PHF20: variants seen among roughly 807,000 people sequenced by gnomAD.
The protein encoded by PHF20 is glioma-expressed antigen 2.
A neutral mutation model predicts 113.5 loss-of-function variants in PHF20; 23 were observed. That is an observed-to-expected ratio of 0.20 (90% CI 0.15 to 0.29). PHF20 has a LOEUF of 0.29. Among genes scored for constraint, PHF20 ranks in the 10% least tolerant of loss-of-function variants. The probability of loss-of-function intolerance (pLI) is 1.00; values close to 1 mark genes in which losing one functional copy is unlikely to be tolerated. For synonymous variants in PHF20, 434 were observed against 457.3 expected (o/e 0.95, Z 0.65); for missense variants, 943 against 1,219.6 (o/e 0.77, Z 3.38).
In PHF20 at chr20:35,863,117, T is replaced by C. The variant is rs555104516; in HGVS notation, c.525T>C (p.Asn175=). Residue 175 remains asparagine, a synonymous_variant, in exon 6 of 18, where the codon AAT becomes AAC. Transcript: ENST00000374012. ...AAGAACAGAGAAAAGCAACAGTGAA[T>C]GTGAAGAAAGACAAAGAAGATAAAC... ...KFKEQRKATV[N]VKKDKEDKPL... 43 of 1,613,536 alleles carry C rather than the reference T, an allele frequency of 2.7e-5. No individual in the cohort carries two copies. Among genetic ancestry groups the C allele is most frequent in the Admixed American group, 6.7e-5 (4 of 59,792 alleles).
chr20:35,946,736 A>G (rs2056092463), intron 17 of PHF20, among the ~76,000 whole-genome samples: 1 of 147,608 alleles, frequency 6.8e-6, no homozygotes, highest in African/African-American at 2.5e-5. Flanking sequence ...TTTGAGATGG[A>G]GTCTCGCTTT....
At chr20:35,820,445 C>CTTT (rs369532387) in intron 2 of PHF20, among the ~76,000 whole-genome samples, 16 of 129,644 alleles carry the variant, frequency 1.2e-4, no homozygotes, top group South Asian at 5.0e-4. Context: ...GGAATAAGTA[C>CTTT]TTTTTTTTTT....
In PHF20 at chr20:35,927,098, C is replaced by A. The variant is rs546882571; in HGVS notation, c.2005-682C>A. Among the ~76,000 whole-genome samples the A allele has an allele frequency of 5.3e-5, 8 of 152,266 alleles. No individual in the cohort carries two copies. The South Asian group carries it at 1.7e-3, about 32-fold the overall frequency. ...GCCTTCTGGCCCTCTCCCCCTGTCC[C>A]CTCAATACTCAGGGAAGGAAGTGGA... On this transcript the variant is annotated intron_variant, in intron 13 of 17. Coordinates refer to ENST00000374012, the MANE Select transcript of PHF20 (RefSeq NM_016436.5).
intron 4 of PHF20, among the ~76,000 whole-genome samples, chr20:35,852,886 C>T (rs1025727591): frequency 6.6e-5 from 10 of 151,376 alleles, no homozygotes; most frequent in South Asian, 2.1e-4. Flanking sequence ...CGTGAGCCAC[C>T]GTGCCCGACC....
At chr20:35,843,996 A>T (rs1208502551) in intron 3 of PHF20, among the ~76,000 whole-genome samples, 1 of 152,076 alleles carries the variant, frequency 6.6e-6, no homozygotes, top group African/African-American at 2.4e-5. Context: ...ATTAGTTTTA[A>T]GGTTTTTTTG....
intron 14 of PHF20, among the ~76,000 whole-genome samples, chr20:35,929,606 G>A (rs955198123): frequency 2.0e-5 from 3 of 152,250 alleles, no homozygotes; most frequent in South Asian, 2.1e-4. Flanking sequence ...ATTCCTGAAG[G>A]CTCCTTAGCA....
chr20:35,930,295 A>G (rs1332125520), intron 14 of PHF20, among the ~76,000 whole-genome samples: 2 of 152,226 alleles, frequency 1.3e-5, no homozygotes, highest in African/African-American at 4.8e-5. Context: ...CATGAACAAG[A>G]TAGTTCCTAC....
At chr20:35,872,181 T>C (rs187928628) in intron 9 of PHF20, among the ~76,000 whole-genome samples, 16 of 152,280 alleles carry the variant, frequency 1.1e-4, no homozygotes, top group Admixed American at 9.2e-4. Flanking sequence ...CCTTTTTTTT[T>C]TCATTACCTG....
chr20:35,908,641 C>T (rs1695388346), intron 10 of PHF20, among the ~76,000 whole-genome samples: 1 of 152,074 alleles, frequency 6.6e-6, no homozygotes, highest in Admixed American at 6.6e-5. Context: ...CAGATAATAT[C>T]CCTCCTTTGC....
In PHF20 at chr20:35,941,060, C is replaced by A. The variant is rs201339133; in HGVS notation, c.2896+13C>A. 51 of 1,607,796 alleles carry A rather than the reference C, an allele frequency of 3.2e-5. No individual in the cohort carries two copies. The East Asian group carries it at 1.0e-3, about 33-fold the overall frequency. On this transcript the variant is annotated intron_variant, in intron 17 of 17. Transcript: ENST00000374012. ...AAGGAGTTGGATGGTAGGGCTCCTT[C>A]ATTGGCCCCCTGTGCATTGGCATGC...
chr20:35,878,832 A>T, intron 9 of PHF20: 1 of 521,074 alleles, frequency 1.9e-6, no homozygotes, highest in Non-Finnish European at 3.4e-6. Context: ...ACTAATTTGT[A>T]TGGGTTTAGA....
At chr20:35,807,516 G>A (rs920095901) in intron 2 of PHF20, among the ~76,000 whole-genome samples, 1 of 151,914 alleles carries the variant, frequency 6.6e-6, no homozygotes, top group Non-Finnish European at 1.5e-5. Context: ...ACCATGCCTG[G>A]AATTTTTGTA....
At chr20:35,945,468 C>G (rs1016075584) in intron 17 of PHF20, among the ~76,000 whole-genome samples, 1 of 152,152 alleles carries the variant, frequency 6.6e-6, no homozygotes, top group African/African-American at 2.4e-5. Flanking sequence ...TAAAGAATAG[C>G]TCACAAGAAA....
chr20:35,859,297 A>G (rs946248023), intron 5 of PHF20, among the ~76,000 whole-genome samples: 5 of 152,272 alleles, frequency 3.3e-5, no homozygotes, highest in Admixed American at 6.5e-5. Flanking sequence ...TACTTTCTTC[A>G]TGATTTTTCC....
chr20:35,873,257 C>T (rs180784948), intron 9 of PHF20, among the ~76,000 whole-genome samples: 4 of 151,680 alleles, frequency 2.6e-5, no homozygotes, highest in African/African-American at 4.8e-5. Context: ...TGTGCCACCA[C>T]GCCCAGCTAA....
chr20:35,906,792 G>A (rs1754956482), intron 10 of PHF20, among the ~76,000 whole-genome samples: 1 of 152,194 alleles, frequency 6.6e-6, no homozygotes, highest in South Asian at 2.1e-4. Context: ...TCTTCCTATG[G>A]AAGAAGTGGA....
In PHF20 at chr20:35,938,847, G is replaced by A. The variant is rs757490708; in HGVS notation, c.2451G>A (p.Glu817=). The A allele has an allele frequency of 1.6e-5, 26 of 1,614,092 alleles. No homozygotes were observed. Among genetic ancestry groups the A allele is most frequent in the Middle Eastern group, 3.3e-4 (2 of 6,084 alleles). Residue 817 remains glutamate (E), a synonymous_variant, in exon 16 of 18, where the codon GAG becomes GAA. Transcript: ENST00000374012. ...ATAGAACTTTGAACGGGGCAGTGGA[G>A]AAGCCCAGGCCCCTGGCCCTGCCCC... ...PSYRTLNGAV[E]KPRPLALPLP... is the part of the protein sequence containing the mutation.
At chr20:35,858,480 GTTTAT>G (rs2042878254) in intron 5 of PHF20, 99 bp downstream of exon 5, 1 of 621,488 alleles carries the variant, frequency 1.6e-6, no homozygotes, top group South Asian at 2.4e-5. Context: ...GATAGCAAGT[GTTTAT>G]TTCCTCCATC....
intron 9 of PHF20, among the ~76,000 whole-genome samples, chr20:35,873,987 T>C (rs934434600): frequency 1.3e-5 from 2 of 152,254 alleles, no homozygotes; most frequent in Non-Finnish European, 2.9e-5. Flanking sequence ...TACATATTTT[T>C]TTGAGATGGC....
Sources: allele counts gnomAD v4.1 joint callset (sites outside exome capture counted in the v4.1 genomes callset), GRCh38; gene constraint gnomAD v4.1.1; transcripts MANE v1.5; gene names NCBI Gene and HGNC (gene_info 2026-07-23, HGNC 2026-07-21).